The following ZFYVE26 variants were observed in gnomAD, a reference collection of about 807,000 sequenced individuals.
The protein encoded by ZFYVE26 is zinc finger FYVE domain-containing protein 26.
A neutral mutation model predicts 276.5 loss-of-function variants in ZFYVE26; 181 were observed. The ratio of observed to expected loss-of-function variants is 0.65; its 90% confidence interval spans 0.58 to 0.74. The LOEUF is 0.74. Ranked by LOEUF, ZFYVE26 falls within the 30% of genes least tolerant of loss-of-function variation. The pLI is 0.00. For synonymous variants in ZFYVE26, 1,129 were observed against 1,203.1 expected, an observed-to-expected ratio of 0.94 and a Z score of 1.27; for missense variants, 2,821 against 3,097.9, an observed-to-expected ratio of 0.91 and a Z score of 2.12.
At chr14:67,740,810 A>G (rs1425161573) in intron 13 of ZFYVE26, among the ~76,000 whole-genome samples, 4 of 152,160 alleles carry the variant, frequency 2.6e-5, no homozygotes, top group African/African-American at 7.2e-5. Context: ...CAGGAGACTG[A>G]GGCAGGAGAA....
intron 28 of ZFYVE26, 125 bp downstream of exon 28, chr14:67,771,922 A>G: frequency 7.6e-7 from 1 of 1,314,100 alleles, no homozygotes; most frequent in Non-Finnish European, 1.1e-6. Flanking sequence ...AAAGTCTTAG[A>G]TTTGGCAGTT....
chr14:67,762,412 C>T lies in ZFYVE26; in HGVS notation c.6160G>A (p.Val2054Ile). 6.2e-7 allele frequency: 1 copy of T among 1,613,190 alleles called. No homozygotes were observed. The highest frequency in any genetic ancestry group is 8.5e-7 in the Non-Finnish European group (1 of 1,179,586). Residue 2054 changes from valine to isoleucine, a missense_variant and splice_region_variant, in exon 34 of 42, where the codon GTC becomes ATC. Transcript: ENST00000347230. ...EAEYYQLGVE[V>I]STKTGLDTTG... is the part of the protein sequence containing the mutation. ...GTATCAAGCCCAGTCTTTGTGGAGA[C>T]CTGGGAGAAAAATTGCCCCTTTTAG...
intron 22 of ZFYVE26, 120 bp from the exon 23 acceptor site, chr14:67,780,465 G>T: frequency 2.3e-6 from 2 of 886,500 alleles, no homozygotes; most frequent in Non-Finnish European, 3.6e-6. Context: ...CAGGCTGTCA[G>T]AACTTGCCAG....
intron 6 of ZFYVE26, 31 bp from the exon 7 acceptor site, chr14:67,805,649 C>A: frequency 6.2e-7 from 1 of 1,610,094 alleles, no homozygotes. Context: ...TTATAGGCAG[C>A]TATGTGGATG....
intron 10 of ZFYVE26, chr14:67,799,237 C>T: frequency 6.2e-7 from 1 of 1,613,352 alleles, no homozygotes; most frequent in Non-Finnish European, 8.5e-7. Context: ...ATCTGGACTT[C>T]AAGGGTGACA....
chr14:67,815,569 T>G (rs2040384675), intron 2 of ZFYVE26: 1 of 631,268 alleles, frequency 1.6e-6, no homozygotes, highest in Non-Finnish European at 2.9e-6. Flanking sequence ...TTACATTCAG[T>G]TGCAGATGAT....
Position 67,765,584 on chromosome 14 carries a change from A to G in ZFYVE26, c.6011+643T>C, listed in dbSNP as rs75459830. Among the ~76,000 whole-genome samples the G allele has an allele frequency of 2.7e-3, 407 of 152,296 alleles. 1 individual carries two copies. The highest frequency in any genetic ancestry group is 4.6e-3 in the Non-Finnish European group (311 of 68,018). ...TAGGACTGAGTGCTGGGAACACACA[A>G]TCTGAGTCACACATTTGAGTGGATA... On this transcript the variant is annotated intron_variant, in intron 32 of 41. Coordinates refer to ENST00000347230, the MANE Select transcript of ZFYVE26 (RefSeq NM_015346.4).
At chr14:67,729,974 C>G (rs1321732460) in intron 13 of ZFYVE26, among the ~76,000 whole-genome samples, 1 of 152,144 alleles carries the variant, frequency 6.6e-6, no homozygotes, top group Non-Finnish European at 1.5e-5. Flanking sequence ...CCGCTTTGTT[C>G]AAGGCTTTTC....
At position 67,785,274 on chromosome 14, in the gene ZFYVE26, G is replaced by T. The variant is rs3742885; in HGVS notation, c.3308C>A (p.Pro1103His). ...CAGGGAAGACAGTGGAGGAGTCCTG[G>T]GCTCTGAGAGGAGGATGGCAGGAGA... ...SLREALELPE[P>H]RTPPLSSLVE... is the part of the protein sequence containing the mutation. Residue 1103 changes from proline (P) to histidine (H), a missense_variant, in exon 19 of 42, where the codon CCC becomes CAC. Coordinates refer to ENST00000347230, the MANE Select transcript of ZFYVE26 (RefSeq NM_015346.4). 4 of 1,598,102 alleles carry T rather than the reference G, an allele frequency of 2.5e-6. No homozygotes were observed. Among genetic ancestry groups the T allele is most frequent in the Non-Finnish European group, 3.4e-6 (4 of 1,172,390 alleles).
chr14:67,788,225 T>C (rs975827296), intron 16 of ZFYVE26, among the ~76,000 whole-genome samples: 1 of 152,012 alleles, frequency 6.6e-6, no homozygotes, highest in Admixed American at 6.6e-5. Flanking sequence ...CCAGTCTCTA[T>C]TAAATATACA....
At chr14:67,756,777 C>T (rs190677337) in intron 35 of ZFYVE26, among the ~76,000 whole-genome samples, 121 of 152,288 alleles carry the variant, frequency 7.9e-4, no homozygotes, top group African/African-American at 2.8e-3. Context: ...GTTTAATATA[C>T]TGTTGATTTG....
At position 67,804,217 on chromosome 14, in the gene ZFYVE26, T is replaced by C. The variant is rs200389391; in HGVS notation, c.1319A>G (p.Asp440Gly). The C allele has an allele frequency of 2.2e-5, 35 of 1,613,978 alleles. No homozygotes were observed. The highest frequency in any genetic ancestry group is 1.2e-4 in the South Asian group (11 of 91,060). Residue 440 changes from aspartate (D) to glycine (G), a missense_variant, in exon 9 of 42, where the codon GAC becomes GGC. Transcript: ENST00000347230. ...RDLLYHLHGG[D>G]SHSVLYTLHH... ...GAGAGTGTAGAGCACTGAGTGGCTG[T>C]CTCCACCGTGTAAATGATACAACAG...
At position 67,807,707 on chromosome 14, in the gene ZFYVE26, G is replaced by C; in HGVS notation, c.577C>G (p.Leu193Val). Reference protein sequence around the residue: ...GLCHWPLQNALVDLIRKALRA... With the variant: ...GLCHWPLQNAVVDLIRKALRA... The stretch of plus-strand genomic sequence containing the variant: ...AATGCCTTTCGAATGAGGTCCACCA[G>C]TGCATTCTGCAGAGGCCAGTGACAG... Residue 193 changes from leucine to valine, a missense_variant, in exon 5 of 42, where the codon CTG becomes GTG. By Grantham distance (32) the Leu-to-Val change is conservative (BLOSUM62 1). Coordinates refer to ENST00000347230, the MANE Select transcript of ZFYVE26 (RefSeq NM_015346.4). 1 of 1,614,208 alleles carries C rather than the reference G, an allele frequency of 6.2e-7. No individual in the cohort carries two copies. Among genetic ancestry groups the C allele is most frequent in the Non-Finnish European group, 8.5e-7 (1 of 1,180,040 alleles).
intron 28 of ZFYVE26, among the ~76,000 whole-genome samples, chr14:67,771,333 T>G (rs1380579058): frequency 6.6e-6 from 1 of 152,258 alleles, no homozygotes; most frequent in Non-Finnish European, 1.5e-5. Context: ...CTGCATGGTA[T>G]TCCATGGTGT....
chr14:67,798,025 T>C lies in ZFYVE26; in HGVS notation c.2237A>G (p.Asn746Ser), dbSNP rs1484908819. The change falls in exon 11 of 42, where the codon AAC becomes AGC. Residue 746 changes from asparagine (N) to serine (S), a missense_variant. Transcript: ENST00000347230. ...AQWRHKVVTS[N>S]HRSEEQPSRR... is the part of the protein sequence containing the mutation. ...CACCCTTCTCTCACCTGAACGATGGTTGCTTGTCACCACCTTGTGTCTCCA... is the reference window on the plus strand; with the variant it reads ...CACCCTTCTCTCACCTGAACGATGGCTGCTTGTCACCACCTTGTGTCTCCA... The C allele has an allele frequency of 1.2e-6, 2 of 1,614,170 alleles. No individual in the cohort carries two copies. The highest frequency in any genetic ancestry group is 2.2e-5 in the South Asian group (2 of 91,086).
At chr14:67,776,212 C>T (rs1208291396) in intron 25 of ZFYVE26, 106 bp from the exon 26 acceptor site, 3 of 1,494,520 alleles carry the variant, frequency 2.0e-6, no homozygotes, top group East Asian at 2.3e-5. Context: ...ACAAAAGGTG[C>T]ATAGCCAGCT....
intron 13 of ZFYVE26, chr14:67,734,141 A>G (rs2140163459): frequency 3.0e-6 from 1 of 335,018 alleles, no homozygotes; most frequent in African/African-American, 2.1e-5. Context: ...TGGGGGTGGC[A>G]GAAGAGCCCG....
rs748780704 is a variant in ZFYVE26, at chr14:67,789,544, C to T, written c.2810G>A (p.Gly937Glu). The part of the protein sequence containing the change: ...DVTDKLLNTS[G>E]DPIPMLQEDF... ...CTCCTGGAGCATGGGGATGGGGTCT[C>T]CAGAGGTGTTGAGCAGCTTGTCAGT... Residue 937 changes from glycine to glutamate, a missense_variant, in exon 16 of 42, where the codon GGA becomes GAA. By Grantham distance (98) the Gly-to-Glu change is moderately conservative. Coordinates refer to ENST00000347230, the MANE Select transcript of ZFYVE26 (RefSeq NM_015346.4). 6 of 1,614,098 alleles carry T rather than the reference C, an allele frequency of 3.7e-6. No homozygotes were observed. Among genetic ancestry groups the T allele is most frequent in the Non-Finnish European group, 4.2e-6 (5 of 1,180,022 alleles).
chr14:67,732,429 C>CAA (rs11310522), intron 13 of ZFYVE26, among the ~76,000 whole-genome samples: 1 of 126,492 alleles, frequency 7.9e-6, no homozygotes, highest in Admixed American at 8.1e-5. Context: ...GACCCTATCT[C>CAA]AAAAAAAAAA....
Sources: allele counts gnomAD v4.1 joint callset (sites outside exome capture counted in the v4.1 genomes callset), GRCh38; gene constraint gnomAD v4.1.1; transcripts MANE v1.5; gene names NCBI Gene and HGNC (gene_info 2026-07-23, HGNC 2026-07-21).